The following KANSL3 variants were observed in gnomAD, a reference collection of about 807,000 sequenced individuals.
The protein encoded by KANSL3 is KAT8 regulatory NSL complex subunit 3, also known as NSL complex protein NSL3.
In KANSL3, 16 loss-of-function variants were observed where a neutral mutation model predicts 89.2. That is an observed-to-expected ratio of 0.18 (90% confidence interval 0.12 to 0.27). The LOEUF (loss-of-function observed/expected upper bound fraction) is 0.27, where lower values mean the gene tolerates loss of function less well. KANSL3 is among the 10% of genes least tolerant of loss of function. The pLI is 1.00. For missense variants in KANSL3, 879 were observed against 1,110.6 expected (o/e 0.79, Z 2.96); for synonymous variants, 385 against 419.7 (o/e 0.92, Z 1.01).
chr2:96,625,081 G>A (rs1446406430), intron 3 of KANSL3, among the ~76,000 whole-genome samples: 1 of 151,996 alleles, frequency 6.6e-6, no homozygotes, highest in Non-Finnish European at 1.5e-5. Flanking sequence ...ATGGTGGTAC[G>A]AGCCTGTAAC....
rs766733827 is a variant in KANSL3 at position 96,602,983 on chromosome 2, C to T, written c.2150-121G>A. ...CCAGTGGTGCTTGCCCTTGGACACC[C>T]GTCCTCAGAGAGAAGGCAGGAAGCT... is the stretch of plus-strand genomic sequence containing the variant. On this transcript the variant is annotated intron_variant, in intron 17 of 20. Transcript: ENST00000431828. 6.7e-5 allele frequency: 55 copies of T among 821,256 alleles called. 3 individuals are homozygous for T. In the South Asian group the frequency reaches 7.9e-4, roughly 12 times the overall value. The allele number at this position is 821,256 out of a possible 1,614,324, so 50.9% of individuals were successfully genotyped here.
At chr2:96,620,087 TC>T (rs1162102197) in intron 3 of KANSL3, among the ~76,000 whole-genome samples, 1 of 152,178 alleles carries the variant, frequency 6.6e-6, no homozygotes, top group Non-Finnish European at 1.5e-5. Context: ...CTAAAATTAT[TC>T]CAATCATAAA....
intron 2 of KANSL3, 96 bp from the exon 3 acceptor site, chr2:96,631,578 G>A: frequency 7.0e-7 from 1 of 1,425,720 alleles, no homozygotes; most frequent in Admixed American, 2.0e-5. Context: ...AATACAGTCA[G>A]CTTTAAATTA....
chr2:96,590,672 A>G (rs2066265026), downstream of KANSL3, among the ~76,000 whole-genome samples: 1 of 150,674 alleles, frequency 6.6e-6, no homozygotes, highest in South Asian at 2.2e-4. Flanking sequence ...ATGAAAACTC[A>G]TGTTCTCATT....
At chr2:96,588,126 C>CT in the KANSL3 span, among the ~76,000 whole-genome samples, 1 of 151,730 alleles carries the variant, frequency 6.6e-6, no homozygotes, top group African/African-American at 2.4e-5. Context: ...GGTAAAAAGG[C>CT]TTAAGCCTAT....
chr2:96,607,675 A>T (rs1288316903), intron 14 of KANSL3, among the ~76,000 whole-genome samples: 1 of 152,142 alleles, frequency 6.6e-6, no homozygotes, highest in Non-Finnish European at 1.5e-5. Flanking sequence ...AAGCAAACTC[A>T]CAAGAGGTCT....
the KANSL3 span, among the ~76,000 whole-genome samples, chr2:96,583,944 T>C: frequency 2.0e-5 from 3 of 152,236 alleles, no homozygotes; most frequent in African/African-American, 4.8e-5. Context: ...GGTTTAATAT[T>C]GCATTTTACT....
intron 6 of KANSL3, 95 bp downstream of exon 6, chr2:96,613,391 AAT>A: frequency 1.1e-6 from 1 of 944,994 alleles, no homozygotes; most frequent in East Asian, 2.7e-5. Context: ...AATAATAATA[AAT>A]AGTTAAAGAA....
intron 14 of KANSL3, among the ~76,000 whole-genome samples, chr2:96,607,700 A>G (rs2068218284): frequency 6.6e-6 from 1 of 152,164 alleles, no homozygotes; most frequent in Non-Finnish European, 1.5e-5. Flanking sequence ...TTCGGTTCTG[A>G]TCATTTGGCT....
At position 96,595,367 on chromosome 2, in the gene KANSL3, T is replaced by A; in HGVS notation, c.*244A>T. On this transcript the variant is annotated 3_prime_UTR_variant, in exon 21 of 21. Coordinates refer to ENST00000431828, the MANE Select transcript of KANSL3 (RefSeq NM_001115016.3). The stretch of plus-strand genomic sequence containing the variant: ...GTTCTGATCCATGTACAGCCAGATC[T>A]GCTGAGGAGTCTGGGGTTCCCAGGA... 2.0e-6 allele frequency: 1 copy of A among 507,880 alleles called. No homozygotes were observed. The highest frequency in any genetic ancestry group is 3.5e-6 in the Non-Finnish European group (1 of 281,994). 31.5% of individuals were successfully genotyped at this position (507,880 alleles called of 1,614,324 possible).
At chr2:96,609,348 C>T in intron 12 of KANSL3, 151 bp downstream of exon 12, 1 of 749,980 alleles carries the variant, frequency 1.3e-6, no homozygotes, top group Admixed American at 2.3e-5. Context: ...ATTCACCACT[C>T]TCATTTTTCT....
the KANSL3 span, among the ~76,000 whole-genome samples, chr2:96,584,843 G>A: frequency 5.3e-5 from 8 of 152,290 alleles, no homozygotes; most frequent in East Asian, 1.9e-4. Flanking sequence ...GTGCACCAAC[G>A]AGTCTTTGTG....
At chr2:96,586,093 C>T in the KANSL3 span, among the ~76,000 whole-genome samples, 1 of 151,858 alleles carries the variant, frequency 6.6e-6, no homozygotes, top group Non-Finnish European at 1.5e-5. Flanking sequence ...GGCGTGGTGG[C>T]GGGCACCTGT....
the KANSL3 span, among the ~76,000 whole-genome samples, chr2:96,582,700 T>G: frequency 6.6e-6 from 1 of 152,242 alleles, no homozygotes; most frequent in Admixed American, 6.5e-5. Flanking sequence ...TGGGTAATAT[T>G]TGCCTCTTTA....
intron 2 of KANSL3, among the ~76,000 whole-genome samples, chr2:96,632,251 T>A (rs961300064): frequency 2.8e-4 from 43 of 152,256 alleles, no homozygotes; most frequent in African/African-American, 9.4e-4. Flanking sequence ...GAGGATTGTT[T>A]AAGCCCAGAA....
Position 96,609,607 on chromosome 2 carries a change from C to G in KANSL3, c.1320-45G>C, listed in dbSNP as rs367875592. The G allele has an allele frequency of 3.6e-4, 533 of 1,474,170 alleles. 5 individuals carry two copies. In the African/African-American group the frequency reaches 6.7e-3, roughly 19 times the overall value. The allele number at this position is 1,474,170 out of a possible 1,614,324, so 91.3% of individuals were successfully genotyped here. ...ACATGTTTACTTCTTACACATTGCA[C>G]GGCATCCTATGAAAATAAGAACGTA... On this transcript the variant is annotated intron_variant, in intron 11 of 20. Transcript: ENST00000431828.
At chr2:96,637,525 G>A (rs1351210822) in intron 1 of KANSL3, among the ~76,000 whole-genome samples, 1 of 152,146 alleles carries the variant, frequency 6.6e-6, no homozygotes, top group East Asian at 1.9e-4. Flanking sequence ...GAAGGGTTTT[G>A]ACAAACAGGA....
At chr2:96,614,724 T>C (rs1458993906) in intron 5 of KANSL3, among the ~76,000 whole-genome samples, 1 of 145,836 alleles carries the variant, frequency 6.9e-6, no homozygotes, top group Non-Finnish European at 1.5e-5. Flanking sequence ...TGAGCCAAGG[T>C]CATGACACTG....
chr2:96,619,831 A>G, intron 3 of KANSL3, 69 bp from the exon 4 acceptor site: 2 of 1,214,180 alleles, frequency 1.6e-6, no homozygotes, highest in Non-Finnish European at 2.3e-6. Context: ...ACACCATATA[A>G]AGAAGATTAT....
Sources: gnomAD v4.1 joint callset for allele counts (sites outside exome capture counted in the v4.1 genomes callset) on GRCh38, gnomAD v4.1.1 for gene constraint, MANE v1.5 for transcripts, NCBI Gene and HGNC (gene_info 2026-07-23, HGNC 2026-07-21) for gene names.